Variants in RNF14 observed in about 807,000 individuals in gnomAD.
RNF14 encodes the protein E3 ubiquitin-protein ligase RNF14.
A neutral mutation model predicts 52.6 loss-of-function variants in RNF14; 26 were observed. The ratio of observed to expected loss-of-function variants is 0.49; its 90% CI spans 0.36 to 0.69. RNF14 has a LOEUF of 0.69. Among genes scored for constraint, RNF14 ranks in the 30% least tolerant of loss-of-function variants. The pLI is 0.00. For synonymous variants in RNF14, 194 were observed against 202.0 expected, an observed-to-expected ratio of 0.96 and a Z score of 0.34; for missense variants, 404 against 560.4, an observed-to-expected ratio of 0.72 and a Z score of 2.82.
upstream of RNF14, among the ~76,000 whole-genome samples, chr5:141,962,669 G>A (rs896620588): frequency 2.0e-5 from 3 of 152,190 alleles, no homozygotes; most frequent in Non-Finnish European, 2.9e-5. Context: ...TTTTGAATTC[G>A]TTATTGCAAA....
chr5:141,973,513 C>T (rs912716191), intron 2 of RNF14, 70 bp from the exon 3 acceptor site: 3 of 1,355,380 alleles, frequency 2.2e-6, no homozygotes, highest in Non-Finnish European at 3.0e-6. Context: ...GTTGGGATTA[C>T]AGGTGTGAGC....
chr5:141,971,516 G>C (rs565865971), intron 2 of RNF14, among the ~76,000 whole-genome samples: 175 of 152,070 alleles, frequency 1.2e-3, no homozygotes, highest in African/African-American at 3.7e-3. Context: ...TTACGGGCAT[G>C]AGCCACCATA....
chr5:141,972,028 A>G (rs1180289441), intron 2 of RNF14, among the ~76,000 whole-genome samples: 1 of 152,212 alleles, frequency 6.6e-6, no homozygotes, highest in Admixed American at 6.5e-5. Flanking sequence ...TTCTTGAGTC[A>G]TAATGGTGAA....
upstream of RNF14, chr5:141,955,117 C>T (rs750958908): frequency 8.7e-6 from 14 of 1,614,194 alleles, no homozygotes; most frequent in South Asian, 3.3e-5. The surrounding 1 kb of genome is among the most constrained non-coding windows in gnomAD (Gnocchi z 5.5). Flanking sequence ...ATGTCGCTGC[C>T]GTCTCAGGGT....
upstream of RNF14, chr5:141,955,965 C>T: frequency 6.2e-7 from 1 of 1,614,180 alleles, no homozygotes; most frequent in Non-Finnish European, 8.5e-7. The surrounding 1 kb of genome is among the most constrained non-coding windows in gnomAD (Gnocchi z 5.5). Context: ...CTCCATTTGC[C>T]CCCGAGTCTG....
At chr5:141,972,302 T>C (rs1435371118) in intron 2 of RNF14, among the ~76,000 whole-genome samples, 1 of 151,680 alleles carries the variant, frequency 6.6e-6, no homozygotes, top group African/African-American at 2.4e-5. Flanking sequence ...CTATCATGGC[T>C]CACTGCAGCC....
At chr5:141,954,489 A>G (rs164086), upstream of RNF14, among the ~76,000 whole-genome samples, 86,364 of 152,046 alleles carry the variant, frequency 0.57, 24,992 homozygotes, top group East Asian at 0.83. Context: ...TTTATTTTCA[A>G]GCAAACTTAG....
Position 141,988,633 on chromosome 5 carries a change from A to G in RNF14, c.*843A>G, listed in dbSNP as rs1370371978. 1.3e-5 allele frequency: 2 copies of G among 152,262 alleles called. No individual in the cohort carries two copies. Among genetic ancestry groups the G allele is most frequent in the African/African-American group, 4.8e-5 (2 of 41,418 alleles). The allele number at this position is 152,262 out of a possible 1,614,324, so 9.4% of individuals were successfully genotyped here. A position where few individuals can be genotyped will look rare whatever the true frequency, so the allele number is the denominator to read the frequency against. ...ACCTTCTGTTTGTAAGGATGATTTT[A>G]ATATTAATTCCAGGAACACATGTTT... is the stretch of plus-strand genomic sequence containing the variant. On this transcript the variant is annotated 3_prime_UTR_variant, in exon 9 of 9. Coordinates refer to ENST00000394520, the MANE Select transcript of RNF14 (RefSeq NM_004290.5).
chr5:141,987,621 A>C lies in RNF14; in HGVS notation c.1368-112A>C, dbSNP rs1755355293. The C allele has an allele frequency of 2.9e-6, 3 of 1,025,814 alleles. No individual in the cohort carries two copies. In the East Asian group the frequency reaches 7.3e-5, roughly 25 times the overall value. The allele number at this position is 1,025,814 out of a possible 1,614,324, so 63.5% of individuals were successfully genotyped here. ...TCCTCAGTGCAATGATTAAAGGAGA[A>C]GAAAAGATGTACAAAGATGTTATAA... On this transcript the variant is annotated intron_variant, in intron 8 of 8. Coordinates refer to ENST00000394520, the MANE Select transcript of RNF14 (RefSeq NM_004290.5).
At chr5:141,977,574 A>C (rs779018670) in intron 4 of RNF14, among the ~76,000 whole-genome samples, 1 of 152,228 alleles carries the variant, frequency 6.6e-6, no homozygotes, top group Non-Finnish European at 1.5e-5. Context: ...AAAATTCCAA[A>C]TAATTTAATT....
chr5:141,987,901 TA>T lies in RNF14; in HGVS notation c.*112del. ...GTACTATTCATTCACTCTTCCTGCG[TA>T]GAAGATATGGAAGAACGAGGTTTAT... On this transcript the variant is annotated 3_prime_UTR_variant, in exon 9 of 9. Coordinates refer to ENST00000394520, the MANE Select transcript of RNF14 (RefSeq NM_004290.5). 1 of 964,700 alleles carries T rather than the reference TA, an allele frequency of 1.0e-6. No individual in the cohort carries two copies. The allele number at this position is 964,700 out of a possible 1,614,324, so 59.8% of individuals were successfully genotyped here. A position where few individuals can be genotyped will look rare whatever the true frequency, so the allele number is the denominator to read the frequency against.
At chr5:141,953,823 C>T (rs1753129570), upstream of RNF14, among the ~76,000 whole-genome samples, 2 of 152,204 alleles carry the variant, frequency 1.3e-5, no homozygotes, top group South Asian at 4.1e-4. Context: ...CAGGTGGCTT[C>T]CTGAGGAGGG....
In RNF14 at chr5:141,989,591, G is replaced by A. The variant is rs1755481488; in HGVS notation, c.*1801G>A. ...GCCTGTAGTCCCAGCTACTCAGGAG[G>A]CTGAGGCAGGAGAATGGCATGAACC... On this transcript the variant is annotated 3_prime_UTR_variant, in exon 9 of 9. Transcript: ENST00000394520. 1.3e-5 allele frequency: 2 copies of A among 152,014 alleles called. No homozygotes were observed. The highest frequency in any genetic ancestry group is 6.6e-5 in the Admixed American group (1 of 15,256). The allele number at this position is 152,014 out of a possible 1,614,324, so 9.4% of individuals were successfully genotyped here.
In RNF14 at chr5:141,974,799, T is replaced by G; in HGVS notation, c.155-5T>G. 1 of 1,613,844 alleles carries G rather than the reference T, an allele frequency of 6.2e-7. No homozygotes were observed. Among genetic ancestry groups the G allele is most frequent in the Non-Finnish European group, 8.5e-7 (1 of 1,179,816 alleles). ...GATCCTTTCTAATCTTTGTTTTTGG[T>G]TCAGGCAATTCAAATGAGTGTCTCC... On this transcript the variant is annotated splice_polypyrimidine_tract_variant and splice_region_variant and intron_variant, in intron 3 of 8. Transcript: ENST00000394520.
chr5:141,951,804 G>T, the RNF14 span, among the ~76,000 whole-genome samples: 3 of 152,394 alleles, frequency 2.0e-5, no homozygotes, highest in East Asian at 5.8e-4. Flanking sequence ...GGACCTGAGT[G>T]TCTGAAGGAG....
intron 4 of RNF14, 25 bp downstream of exon 4, chr5:141,974,980 C>T (rs185803718): frequency 2.8e-5 from 45 of 1,607,398 alleles, no homozygotes; most frequent in East Asian, 6.7e-5. Flanking sequence ...TTAATTTTTC[C>T]TATCCATTTT....
upstream of RNF14, chr5:141,963,276 C>T (rs767723539): frequency 5.9e-5 from 9 of 152,010 alleles, no homozygotes; most frequent in Non-Finnish European, 1.2e-4. Context: ...ATACAGAGTG[C>T]CCAGTTAAAT....
At chr5:141,977,159 G>T (rs1398537637) in intron 4 of RNF14, among the ~76,000 whole-genome samples, 1 of 152,132 alleles carries the variant, frequency 6.6e-6, no homozygotes, top group African/African-American at 2.4e-5. Context: ...CATAGGACTT[G>T]GTAGCTCACA....
chr5:141,950,632 C>A, the RNF14 span, among the ~76,000 whole-genome samples: 2 of 152,140 alleles, frequency 1.3e-5, no homozygotes, highest in African/African-American at 2.4e-5. Context: ...GCCAGTGTGA[C>A]CCTGGAGTGT....
Sources: allele counts gnomAD v4.1 joint callset (sites outside exome capture counted in the v4.1 genomes callset), GRCh38; gene constraint gnomAD v4.1.1; non-coding constraint Gnocchi (gnomAD v3.1); transcripts MANE v1.5; gene names NCBI Gene and HGNC (gene_info 2026-07-23, HGNC 2026-07-21).